PFN4: variants seen among roughly 807,000 people sequenced by gnomAD.
PFN4 encodes profilin-4.
In PFN4, 10 loss-of-function variants were observed where a neutral mutation model predicts 16.3. That is an observed-to-expected ratio of 0.61 (90% CI 0.38 to 1.04). PFN4 has a LOEUF of 1.04. Among genes scored for constraint, PFN4 ranks in the 50% least tolerant of loss-of-function variants. PFN4 has a pLI of 0.01. For synonymous variants in PFN4, 54 were observed against 56.9 expected (o/e 0.95, Z 0.23); for missense variants, 136 against 153.6 (o/e 0.89, Z 0.61).
At chr2:24,119,815 T>C in intron 3 of PFN4, 133 bp from the exon 4 acceptor site, 1 of 615,704 alleles carries the variant, frequency 1.6e-6, no homozygotes, top group Non-Finnish European at 2.7e-6. Context: ...ACATATTCCG[T>C]ATATATTTTC....
At chr2:24,116,737 C>G (rs555175264) in intron 4 of PFN4, among the ~76,000 whole-genome samples, 1 of 151,880 alleles carries the variant, frequency 6.6e-6, no homozygotes, top group East Asian at 2.0e-4. Flanking sequence ...ACCTGTAGTC[C>G]CAGCTACTTG....
intron 2 of PFN4, 93 bp from the exon 3 acceptor site, chr2:24,121,393 G>T: frequency 1.6e-6 from 2 of 1,225,062 alleles, no homozygotes; most frequent in Non-Finnish European, 1.1e-6. Context: ...TGGCCTGCAA[G>T]CTAAGAATGG....
intron 2 of PFN4, among the ~76,000 whole-genome samples, chr2:24,122,051 G>T (rs1666134631): frequency 6.6e-6 from 1 of 152,076 alleles, no homozygotes; most frequent in Non-Finnish European, 1.5e-5. Flanking sequence ...TCATGTCTGG[G>T]CTGGGCACGG....
Position 24,115,721 on chromosome 2 carries a change from C to T in PFN4, c.362-110G>A. On this transcript the variant is annotated intron_variant, in intron 4 of 4. Coordinates refer to ENST00000313213, the MANE Select transcript of PFN4 (RefSeq NM_199346.3). ...AACATTGCCAGGTGACTGCCATGTG[C>T]TAGGCACTGTGCTAGGTACTGGAGA... 3.4e-6 allele frequency: 4 copies of T among 1,193,968 alleles called. No individual in the cohort carries two copies. The South Asian group carries it at 3.7e-5, about 11-fold the overall frequency. The allele number at this position is 1,193,968 out of a possible 1,614,324, so 74.0% of individuals were successfully genotyped here.
chr2:24,117,795 A>T (rs1665970446), intron 4 of PFN4, among the ~76,000 whole-genome samples: 2 of 152,172 alleles, frequency 1.3e-5, no homozygotes, highest in African/African-American at 4.8e-5. Context: ...AATTTTTTAG[A>T]TAGAGAAAAA....
At chr2:24,118,283 C>G (rs1191397458) in intron 4 of PFN4, among the ~76,000 whole-genome samples, 1 of 152,206 alleles carries the variant, frequency 6.6e-6, no homozygotes, top group Non-Finnish European at 1.5e-5. Flanking sequence ...ATCCTGACAT[C>G]TGTTCAGGAA....
chr2:24,121,428 G>GA (rs762481430), intron 2 of PFN4, 128 bp from the exon 3 acceptor site: 70 of 837,332 alleles, frequency 8.4e-5, no homozygotes, highest in Middle Eastern at 7.3e-4. Context: ...AATGGTTGGG[G>GA]AAAAAAAATC....
chr2:24,118,836 T>C lies in PFN4; in HGVS notation c.361+741A>G, dbSNP rs375185988. Among the ~76,000 whole-genome samples the C allele has an allele frequency of 3.3e-5, 5 of 152,206 alleles. No homozygotes were observed. In the East Asian group the frequency reaches 5.8e-4, roughly 18 times the overall value. ...TACCTCTGAATGTTTGTTGAATGAA[T>C]GAATGAATGAATGAGTGGCTGCTTT... is the stretch of plus-strand genomic sequence containing the variant. On this transcript the variant is annotated intron_variant, in intron 4 of 4. Transcript: ENST00000313213.
chr2:24,116,646 G>A (rs1665927706), intron 4 of PFN4, among the ~76,000 whole-genome samples: 1 of 152,134 alleles, frequency 6.6e-6, no homozygotes, highest in Non-Finnish European at 1.5e-5. Context: ...CTTGAAGTCA[G>A]GAGTTCGAGA....
upstream of PFN4, chr2:24,123,452 C>G (rs1415725827): frequency 6.6e-6 from 1 of 152,264 alleles, no homozygotes; most frequent in Non-Finnish European, 1.5e-5. Flanking sequence ...CCTCCGCCGC[C>G]CCGGCACCGC....
At chr2:24,116,267 G>T (rs1665913651) in intron 4 of PFN4, among the ~76,000 whole-genome samples, 1 of 151,684 alleles carries the variant, frequency 6.6e-6, no homozygotes, top group South Asian at 2.1e-4. Flanking sequence ...GGCAGAGGTT[G>T]CAATGAGCTG....
intron 4 of PFN4, among the ~76,000 whole-genome samples, chr2:24,118,344 A>G (rs896486968): frequency 2.6e-5 from 4 of 152,248 alleles, no homozygotes; most frequent in African/African-American, 9.6e-5. Context: ...GTACATAGGT[A>G]TATAGTTTCT....
intron 3 of PFN4, among the ~76,000 whole-genome samples, chr2:24,120,343 T>A (rs936052134): frequency 1.3e-5 from 2 of 152,170 alleles, no homozygotes. Context: ...CATTTTGGAA[T>A]TGGACAGCTC....
At chr2:24,120,872 C>CT (rs35518003) in intron 3 of PFN4, among the ~76,000 whole-genome samples, 1,834 of 141,848 alleles carry the variant, frequency 0.013, 19 homozygotes, top group African/African-American at 0.017. Flanking sequence ...ATGATTATCT[C>CT]TTTTTTTTTT....
chr2:24,119,516 T>C (rs1666028217), intron 4 of PFN4, 61 bp downstream of exon 4: 1 of 1,222,914 alleles, frequency 8.2e-7, no homozygotes, highest in South Asian at 1.4e-5. Context: ...TCTCTGTTAC[T>C]CGTAGTCGGA....
At chr2:24,115,873 T>G (rs1436328023) in intron 4 of PFN4, among the ~76,000 whole-genome samples, 2 of 149,028 alleles carry the variant, frequency 1.3e-5, no homozygotes, top group Non-Finnish European at 3.0e-5. Flanking sequence ...TAGAGGTATT[T>G]GAGTTGTCCT....
At chr2:24,121,063 TG>T (rs774373516) in intron 3 of PFN4, 99 bp downstream of exon 3, 14 of 1,456,458 alleles carry the variant, frequency 9.6e-6, no homozygotes, top group South Asian at 1.3e-5. Context: ...AAGACATTAA[TG>T]GATTTAATCT....
At chr2:24,119,727 A>C (rs1042373088) in intron 3 of PFN4, 45 bp from the exon 4 acceptor site, 1 of 1,440,460 alleles carries the variant, frequency 6.9e-7, no homozygotes, top group Non-Finnish European at 9.7e-7. Flanking sequence ...GGTTCTAATC[A>C]CAGGACCAGT....
In PFN4 at chr2:24,119,624, G is replaced by T. The variant is rs1453596472; in HGVS notation, c.314C>A (p.Thr105Asn). The change falls in exon 4 of 5, where the codon ACT (threonine) becomes AAT (asparagine). Residue 105 changes from threonine (T) to asparagine (N), a missense_variant. Physicochemically the swap from Thr to Asn is moderately conservative, Grantham distance 65 (BLOSUM62 0). Coordinates refer to ENST00000313213, the MANE Select transcript of PFN4 (RefSeq NM_199346.3). ...THLYLLVATY[T>N]EGMYPSICVE... is the part of the protein sequence containing the mutation. ...ACAGATGCTAGGATACATGCCCTCA[G>T]TGTAAGTTGCTACCAGAAGATACAG... 4.3e-6 allele frequency: 7 copies of T among 1,614,002 alleles called. No homozygotes were observed. Among genetic ancestry groups the T allele is most frequent in the Non-Finnish European group, 5.9e-6 (7 of 1,179,924 alleles).
Sources: allele counts gnomAD v4.1 joint callset (sites outside exome capture counted in the v4.1 genomes callset), GRCh38; gene constraint gnomAD v4.1.1; transcripts MANE v1.5; gene names NCBI Gene and HGNC (gene_info 2026-07-23, HGNC 2026-07-21).